The following PEX5L variants were observed in gnomAD, a reference collection of about 807,000 sequenced individuals.
PEX5L encodes peroxisomal biogenesis factor 5 like, also known as PEX5-related protein.
In PEX5L, 30 loss-of-function variants were observed where a neutral mutation model predicts 84.0. That is an observed-to-expected ratio of 0.36 (90% confidence interval 0.27 to 0.48). PEX5L has a LOEUF of 0.48. Ranked by LOEUF, PEX5L falls within the 20% of genes least tolerant of loss-of-function variation. The pLI, the probability that PEX5L is intolerant of heterozygous loss-of-function variation, is 0.99. For missense variants in PEX5L, 533 were observed against 754.6 expected, an observed-to-expected ratio of 0.71 and a Z score of 3.44; for synonymous variants, 270 against 283.1, an observed-to-expected ratio of 0.95 and a Z score of 0.46.
intron 2 of PEX5L, among the ~76,000 whole-genome samples, chr3:179,957,703 A>G (rs1025839993): frequency 5.9e-5 from 9 of 152,234 alleles, no homozygotes; most frequent in Non-Finnish European, 1.3e-4. Context: ...CAGGTGTAGA[A>G]TTTTTCAAAT....
At chr3:179,959,897 T>C (rs1169273643) in intron 2 of PEX5L, among the ~76,000 whole-genome samples, 1 of 152,234 alleles carries the variant, frequency 6.6e-6, no homozygotes, top group Non-Finnish European at 1.5e-5. Context: ...GTACTCAGTG[T>C]AACTATGTGT....
intron 12 of PEX5L, among the ~76,000 whole-genome samples, chr3:179,808,843 C>T (rs1433466833): frequency 3.3e-5 from 5 of 151,514 alleles, no homozygotes; most frequent in African/African-American, 9.7e-5. Flanking sequence ...TTTGGGAGGC[C>T]GAGGCGGGCG....
chr3:179,846,093 C>T lies in PEX5L; in HGVS notation c.822+12969G>A, dbSNP rs572871491. On this transcript the variant is annotated intron_variant, in intron 8 of 14. Coordinates refer to ENST00000467460, the MANE Select transcript of PEX5L (RefSeq NM_016559.3). ...GCTGAGGCAGCAGAATCACTGGAACCCTGGAGGCAGAGGTTGCAGGGAGCC... is the reference window on the plus strand; with the variant it reads ...GCTGAGGCAGCAGAATCACTGGAACTCTGGAGGCAGAGGTTGCAGGGAGCC... Among the ~76,000 whole-genome samples the T allele has an allele frequency of 1.1e-4, 16 of 152,164 alleles. No individual in the cohort carries two copies. In the South Asian group the frequency reaches 1.7e-3, roughly 16 times the overall value.
intron 8 of PEX5L, among the ~76,000 whole-genome samples, chr3:179,847,425 C>G (rs1189338755): frequency 6.6e-6 from 1 of 151,970 alleles, no homozygotes; most frequent in South Asian, 2.1e-4. Context: ...ACGGGTTGCC[C>G]TCATGGAAAA....
chr3:180,032,741 C>T (rs988574502), intron 1 of PEX5L, among the ~76,000 whole-genome samples: 2 of 152,218 alleles, frequency 1.3e-5, no homozygotes, highest in Non-Finnish European at 1.5e-5. Context: ...GTAGTCCCAG[C>T]TACTTGGGAG....
chr3:179,920,920 A>G (rs1434798313), intron 2 of PEX5L, among the ~76,000 whole-genome samples: 1 of 152,200 alleles, frequency 6.6e-6, no homozygotes, highest in Non-Finnish European at 1.5e-5. Flanking sequence ...TATAATATAT[A>G]CACAGTATTT....
intron 2 of PEX5L, among the ~76,000 whole-genome samples, chr3:179,954,206 G>T (rs867076108): frequency 0.093 from 8,331 of 89,850 alleles, 330 homozygotes; most frequent in East Asian, 0.33. Flanking sequence ...CCATTAGTCG[G>T]GGGGGGGGGA....
chr3:179,971,502 AC>A, intron 2 of PEX5L, 91 bp downstream of exon 2: 1 of 1,433,432 alleles, frequency 7.0e-7, no homozygotes, highest in South Asian at 1.6e-5. Context: ...ACAGGCTAAT[AC>A]AGCTGCCAGA....
intron 1 of PEX5L, among the ~76,000 whole-genome samples, chr3:179,986,437 C>T (rs1311922611): frequency 7.5e-6 from 1 of 133,076 alleles, no homozygotes; most frequent in Admixed American, 8.3e-5. Flanking sequence ...GAGTCTCGCT[C>T]TGTCACCCAG....
chr3:179,864,771 ACAT>A (rs1196306111), intron 7 of PEX5L, among the ~76,000 whole-genome samples: 3 of 152,190 alleles, frequency 2.0e-5, no homozygotes, highest in Non-Finnish European at 4.4e-5. Flanking sequence ...ATATTTCAAA[ACAT>A]CATGTTTTAC....
chr3:179,984,671 AAT>A (rs565853395), intron 1 of PEX5L, among the ~76,000 whole-genome samples: 12 of 152,152 alleles, frequency 7.9e-5, no homozygotes, highest in Non-Finnish European at 1.6e-4. Flanking sequence ...TTTCTCTAAT[AAT>A]TATAAAGTCA....
At chr3:179,986,397 A>ATTT (rs11344304) in intron 1 of PEX5L, among the ~76,000 whole-genome samples, 29 of 111,072 alleles carry the variant, frequency 2.6e-4, no homozygotes, top group Middle Eastern at 5.3e-3. Flanking sequence ...CCATTTAGTA[A>ATTT]TTTTTTTTTT....
rs147760601 is a variant in PEX5L, at chr3:179,898,195, T to G, written c.145A>C (p.Ile49Leu). ...TCTTCAGCAGACTCCTCCCTCGGTA[T>G]CTCCTTCATCACCATGGCAACAGCC... ...DKAVAMVMKE[I>L]PREESAEEKP... The change falls in exon 3 of 15, where the codon ATA becomes CTA. Residue 49 changes from isoleucine to leucine, a missense_variant. Physicochemically the swap from Ile to Leu is conservative, Grantham distance 5. Coordinates refer to ENST00000467460, the MANE Select transcript of PEX5L (RefSeq NM_016559.3). 7.4e-4 allele frequency: 1,194 copies of G among 1,613,596 alleles called. No homozygotes were observed. The highest frequency in any genetic ancestry group is 9.0e-4 in the Non-Finnish European group (1,064 of 1,179,612).
chr3:179,874,474 C>G, intron 6 of PEX5L, 51 bp from the exon 7 acceptor site: 1 of 960,076 alleles, frequency 1.0e-6, no homozygotes, highest in Non-Finnish European at 1.6e-6. Flanking sequence ...ACAAATTAAG[C>G]TATAAATCCA....
chr3:179,881,150 C>T (rs1754036244), intron 4 of PEX5L: 3 of 152,314 alleles, frequency 2.0e-5, no homozygotes, highest in African/African-American at 7.2e-5. Context: ...TGCAGCACTC[C>T]TCTTTAATCT....
chr3:179,944,161 G>A (rs1776905633), intron 2 of PEX5L, among the ~76,000 whole-genome samples: 1 of 152,304 alleles, frequency 6.6e-6, no homozygotes, highest in Non-Finnish European at 1.5e-5. Flanking sequence ...GGAATGGAGG[G>A]AATATATCAG....
At chr3:180,001,810 T>C (rs1205862765) in intron 1 of PEX5L, among the ~76,000 whole-genome samples, 2 of 152,202 alleles carry the variant, frequency 1.3e-5, no homozygotes, top group Non-Finnish European at 2.9e-5. Context: ...TGCTTCCCAG[T>C]ACATTTACAT....
Position 179,872,840 on chromosome 3 carries a change from T to C in PEX5L, c.726+1487A>G, listed in dbSNP as rs140618851. 2.1e-3 allele frequency among the ~76,000 whole-genome samples: 327 copies of C among 152,354 alleles called. 2 individuals are homozygous for C. Among genetic ancestry groups the C allele is most frequent in the Non-Finnish European group, 3.5e-3 (241 of 68,032 alleles). On this transcript the variant is annotated intron_variant, in intron 7 of 14. Coordinates refer to ENST00000467460, the MANE Select transcript of PEX5L (RefSeq NM_016559.3). ...GCCTAAATCTCTACTGTACTTATCA[T>C]GAAATATTTTTCTGATATAGTAAGT...
In PEX5L at chr3:179,802,720, G is replaced by A. The variant is rs570704684; in HGVS notation, c.1677-688C>T. Among the ~76,000 whole-genome samples the A allele has an allele frequency of 3.9e-5, 6 of 152,222 alleles. No homozygotes were observed. In the South Asian group the frequency reaches 1.2e-3, roughly 32 times the overall value. ...TTGATTTCTATAACTAGGTTTAAGA[G>A]GAAGAATATAGCCCTACTTAAAAAC... is the stretch of plus-strand genomic sequence containing the variant. On this transcript the variant is annotated intron_variant, in intron 14 of 14. Transcript: ENST00000467460.
Sources: allele counts gnomAD v4.1 joint callset (sites outside exome capture counted in the v4.1 genomes callset), GRCh38; gene constraint gnomAD v4.1.1; transcripts MANE v1.5; gene names NCBI Gene and HGNC (gene_info 2026-07-23, HGNC 2026-07-21).